Variants in TBC1D8 observed in about 807,000 individuals in gnomAD.
TBC1D8 encodes TBC1 domain family member 8, also known as BUB2-like protein 1.
TBC1D8 carries 65 observed loss-of-function variants against 118.8 expected under a neutral mutation model. The observed-to-expected ratio is 0.55, with a 90% CI of 0.45 to 0.67. The LOEUF (loss-of-function observed/expected upper bound fraction) is 0.67. Ranked by LOEUF, TBC1D8 falls within the 30% of genes least tolerant of loss-of-function variation. TBC1D8 has a pLI of 0.00. For missense variants in TBC1D8, 1,376 were observed against 1,471.2 expected (o/e 0.94, Z 1.06); for synonymous variants, 566 against 595.8 (o/e 0.95, Z 0.73).
intron 3 of TBC1D8, among the ~76,000 whole-genome samples, chr2:101,057,596 C>A (rs1682511641): frequency 6.6e-6 from 1 of 152,164 alleles, no homozygotes; most frequent in Non-Finnish European, 1.5e-5. Flanking sequence ...GAAGCCAAGG[C>A]AGGAGGATTG....
chr2:101,061,187 CAAAAAAAA>C (rs397785120), intron 2 of TBC1D8, among the ~76,000 whole-genome samples: 2 of 52,522 alleles, frequency 3.8e-5, no homozygotes, highest in African/African-American at 1.5e-4. Context: ...GACTCTGTCT[CAAAAAAAA>C]AAAAAAAAAA....
intron 1 of TBC1D8, among the ~76,000 whole-genome samples, chr2:101,091,940 C>T (rs1676064325): frequency 6.6e-6 from 1 of 152,240 alleles, no homozygotes; most frequent in South Asian, 2.1e-4. Flanking sequence ...AAGTTACTTA[C>T]ATAACACCCC....
intron 15 of TBC1D8, 97 bp from the exon 16 acceptor site, chr2:101,022,618 C>G: frequency 6.8e-7 from 1 of 1,471,048 alleles, no homozygotes; most frequent in Non-Finnish European, 8.9e-7. Context: ...CACAATCTCA[C>G]CACTCTAACT....
At chr2:101,131,260 C>A (rs909318030) in intron 1 of TBC1D8, among the ~76,000 whole-genome samples, 2 of 152,146 alleles carry the variant, frequency 1.3e-5, no homozygotes. Context: ...CGCCTGTAAT[C>A]CCAGCACTTT....
intron 8 of TBC1D8, 53 bp downstream of exon 8, chr2:101,037,479 C>G (rs1194552144): frequency 1.1e-5 from 17 of 1,585,918 alleles, no homozygotes; most frequent in Admixed American, 3.6e-5. Flanking sequence ...GGCAACCCCC[C>G]CAAGCCCACG....
intron 4 of TBC1D8, among the ~76,000 whole-genome samples, chr2:101,053,147 T>A (rs1410056979): frequency 6.6e-6 from 1 of 152,200 alleles, no homozygotes; most frequent in Non-Finnish European, 1.5e-5. Flanking sequence ...TGACAAAATC[T>A]GAACTGAATT....
intron 5 of TBC1D8, among the ~76,000 whole-genome samples, chr2:101,044,071 C>A (rs1681550433): frequency 6.6e-6 from 1 of 152,240 alleles, no homozygotes; most frequent in Admixed American, 6.5e-5. Context: ...GCAGCCTGGG[C>A]AAGCTGCACA....
At chr2:101,028,259 G>T in intron 13 of TBC1D8, 44 bp downstream of exon 13, 1 of 1,590,438 alleles carries the variant, frequency 6.3e-7, no homozygotes, top group East Asian at 2.3e-5. Context: ...AATTCCCGGG[G>T]GGTTAGGGGC....
At chr2:101,067,102 C>T (rs923755037) in intron 2 of TBC1D8, among the ~76,000 whole-genome samples, 13 of 152,116 alleles carry the variant, frequency 8.5e-5, no homozygotes, top group African/African-American at 3.1e-4. Flanking sequence ...GAGATACAGC[C>T]AGTGGCTATG....
chr2:101,013,028 G>A (rs991023712), intron 17 of TBC1D8, among the ~76,000 whole-genome samples: 4 of 152,154 alleles, frequency 2.6e-5, no homozygotes, highest in African/African-American at 9.7e-5. Context: ...AAAGAACTTG[G>A]CGTACCACAA....
chr2:101,123,513 C>G (rs1400882206), intron 1 of TBC1D8, among the ~76,000 whole-genome samples: 1 of 152,132 alleles, frequency 6.6e-6, no homozygotes, highest in Admixed American at 6.5e-5. Flanking sequence ...CGCTCCAAAC[C>G]AGTGTGCACG....
At chr2:101,117,319 T>C (rs1677862711) in intron 1 of TBC1D8, among the ~76,000 whole-genome samples, 1 of 151,986 alleles carries the variant, frequency 6.6e-6, no homozygotes, top group South Asian at 2.1e-4. Context: ...ACGCACAGAG[T>C]GAGAGAGCTT....
In TBC1D8 at chr2:101,059,526, C is replaced by T. The variant is rs1682640252; in HGVS notation, c.297G>A (p.Glu99=). ...YWAIATGATL[E]EINQHWDWLE... ...GCCAGTCCCAGTGCTGATTGATTTC[C>T]TCTAATGTTGCACCTGGATTCAAAC... Residue 99 remains glutamate (E), a synonymous_variant, in exon 3 of 20, where the codon GAG becomes GAA. Coordinates refer to ENST00000409318, the MANE Select transcript of TBC1D8 (RefSeq NM_001330348.2). 6.2e-7 allele frequency: 1 copy of T among 1,612,624 alleles called. No homozygotes were observed. The highest frequency in any genetic ancestry group is 1.7e-5 in the Admixed American group (1 of 59,874).
rs546381514 is a variant in TBC1D8 at position 101,127,163 on chromosome 2, C to G, written c.127+23964G>C. ...CAGCCTGGCCAACACAGTGAAACCC[C>G]ATCTCTATTAAAAATTCAAAAAATT... On this transcript the variant is annotated intron_variant, in intron 1 of 19. Transcript: ENST00000409318. Among the ~76,000 whole-genome samples, 13 of 152,158 alleles carry G rather than the reference C, an allele frequency of 8.5e-5. No individual in the cohort carries two copies. The East Asian group carries it at 2.5e-3, about 29-fold the overall frequency.
intron 2 of TBC1D8, among the ~76,000 whole-genome samples, chr2:101,074,423 C>A (rs748719855): frequency 2.6e-5 from 4 of 152,266 alleles, no homozygotes; most frequent in Middle Eastern, 3.4e-3. Flanking sequence ...ATGACAGAGA[C>A]ACAAAGTGAA....
At chr2:101,012,554 T>C (rs1329147205) in intron 17 of TBC1D8, among the ~76,000 whole-genome samples, 3 of 151,962 alleles carry the variant, frequency 2.0e-5, no homozygotes, top group Non-Finnish European at 2.9e-5. Flanking sequence ...GCTAAAGATA[T>C]GACATTTATT....
intron 2 of TBC1D8, among the ~76,000 whole-genome samples, chr2:101,074,750 A>T (rs1480354817): frequency 6.6e-6 from 1 of 152,252 alleles, no homozygotes; most frequent in Non-Finnish European, 1.5e-5. Context: ...GAAGAAATAT[A>T]AAATCAAAGT....
chr2:101,051,109 T>C (rs1178858973), intron 4 of TBC1D8, among the ~76,000 whole-genome samples: 1 of 152,232 alleles, frequency 6.6e-6, no homozygotes, highest in Non-Finnish European at 1.5e-5. Context: ...TATGGCTGCA[T>C]AGTATTCCAT....
At position 101,007,690 on chromosome 2, in the gene TBC1D8, T is replaced by TGTCA; in HGVS notation, c.*127_*130dup. The stretch of plus-strand genomic sequence containing the variant: ...TGTGTCGGTTCCCCTGGCCACAGTT[T>TGTCA]GTCAGGTTGTTTAGCCAGATGCCCC... On this transcript the variant is annotated 3_prime_UTR_variant, in exon 20 of 20. Transcript: ENST00000409318. 1.1e-6 allele frequency: 1 copy of TGTCA among 912,038 alleles called. No homozygotes were observed. The highest frequency in any genetic ancestry group is 1.7e-6 in the Non-Finnish European group (1 of 595,314). 56.5% of individuals were successfully genotyped at this position (912,038 alleles called of 1,614,324 possible).
Sources: allele counts gnomAD v4.1 joint callset (sites outside exome capture counted in the v4.1 genomes callset), GRCh38; gene constraint gnomAD v4.1.1; transcripts MANE v1.5; gene names NCBI Gene and HGNC (gene_info 2026-07-23, HGNC 2026-07-21).